CSMD1: variants seen among roughly 807,000 people sequenced by gnomAD.
CSMD1 encodes CUB and sushi domain-containing protein 1.
In CSMD1, 213 loss-of-function variants were observed where a neutral mutation model predicts 417.5. The ratio of observed to expected loss-of-function variants is 0.51; its 90% CI spans 0.46 to 0.57. The LOEUF is 0.57. Ranked by LOEUF, CSMD1 falls within the 20% of genes least tolerant of loss-of-function variation. The pLI is 0.00. For synonymous variants in CSMD1, 2,862 were observed against 1,736.8 expected (o/e 1.65, Z -16.11); for missense variants, 6,923 against 4,529.7 (o/e 1.53, Z -15.17).
At chr8:3,789,666 G>C (rs12681924) in intron 5 of CSMD1, among the ~76,000 whole-genome samples, 50,216 of 149,996 alleles carry the variant, frequency 0.33, 9,229 homozygotes, top group Admixed American at 0.42. Flanking sequence ...ATTGCTTAAT[G>C]AGACATGTAT....
chr8:3,274,652 T>C lies in CSMD1; in HGVS notation c.4153+9492A>G, dbSNP rs550188478. On this transcript the variant is annotated intron_variant, in intron 26 of 69. Coordinates refer to ENST00000635120, the MANE Select transcript of CSMD1 (RefSeq NM_033225.6). ...ATATATTTAGGATAGTTAGCCCTTC[T>C]TGTTGAATTGATCCCTTTACCATTA... Among the ~76,000 whole-genome samples, 101 of 152,320 alleles carry C rather than the reference T, an allele frequency of 6.6e-4. 1 individual carries two copies. The highest frequency in any genetic ancestry group is 4.8e-3 in the South Asian group (23 of 4,826).
intron 2 of CSMD1, among the ~76,000 whole-genome samples, chr8:4,495,094 A>G (rs936029423): frequency 1.3e-5 from 2 of 152,176 alleles, no homozygotes; most frequent in Non-Finnish European, 2.9e-5. Context: ...TTCACTATTC[A>G]CCCTGCTTCT....
Position 4,398,617 on chromosome 8 carries a change from G to T in CSMD1, c.415+21336C>A, listed in dbSNP as rs138386015. Among the ~76,000 whole-genome samples, 503 of 151,960 alleles carry T rather than the reference G, an allele frequency of 3.3e-3. 17 individuals are homozygous for T. In the East Asian group the frequency reaches 0.076, roughly 23 times the overall value. On this transcript the variant is annotated intron_variant, in intron 3 of 69. Coordinates refer to ENST00000635120, the MANE Select transcript of CSMD1 (RefSeq NM_033225.6). The stretch of plus-strand genomic sequence containing the variant: ...TCACCGTGTTAGCCAGGATTGTCTC[G>T]ATCTCCTGACCTCCTGATCTGCCCC...
At chr8:3,716,936 A>T (rs992752847) in intron 6 of CSMD1, among the ~76,000 whole-genome samples, 9 of 152,206 alleles carry the variant, frequency 5.9e-5, no homozygotes, top group African/African-American at 2.2e-4. Flanking sequence ...AATTCCACCA[A>T]AATGTTATAA....
At chr8:4,456,440 G>C (rs773135576) in intron 2 of CSMD1, among the ~76,000 whole-genome samples, 1 of 152,100 alleles carries the variant, frequency 6.6e-6, no homozygotes, top group Non-Finnish European at 1.5e-5. Flanking sequence ...TTTAATTGCT[G>C]TTAAGAGTAT....
intron 49 of CSMD1, among the ~76,000 whole-genome samples, chr8:3,075,720 T>C (rs1406411765): frequency 2.6e-5 from 4 of 152,046 alleles, no homozygotes; most frequent in Non-Finnish European, 4.4e-5. Context: ...ACTATGTAAA[T>C]GTATTTTTAT....
At chr8:3,816,472 C>A (rs1419869251) in intron 5 of CSMD1, among the ~76,000 whole-genome samples, 1 of 152,080 alleles carries the variant, frequency 6.6e-6, no homozygotes, top group Non-Finnish European at 1.5e-5. Flanking sequence ...TGTTATGAAT[C>A]TCTCGCTGTG....
intron 1 of CSMD1, among the ~76,000 whole-genome samples, chr8:4,666,293 A>T (rs542050124): frequency 1.3e-5 from 2 of 152,200 alleles, no homozygotes; most frequent in Non-Finnish European, 2.9e-5. Context: ...TTAGAATAGA[A>T]AGATGATTTT....
chr8:4,127,838 T>C (rs1337829110), intron 3 of CSMD1, among the ~76,000 whole-genome samples: 1 of 152,206 alleles, frequency 6.6e-6, no homozygotes, highest in Non-Finnish European at 1.5e-5. Context: ...TTATTATTAT[T>C]GTTACTGTTT....
rs777993216 is a variant in CSMD1, at chr8:3,308,455, T to A, written c.3680A>T (p.Tyr1227Phe). Residue 1227 changes from tyrosine to phenylalanine, a missense_variant, in exon 24 of 70, where the codon TAT becomes TTT. Physicochemically the swap from Tyr to Phe is conservative, Grantham distance 22. Transcript: ENST00000635120. ...CEDPGIPNYG[Y>F]RIRDEGHFTD... ...AAAGTGGCCTTCATCACGGATCCTATAGCCGTAGTTAGGGATGCCCGGATC... is the reference window on the plus strand; with the variant it reads ...AAAGTGGCCTTCATCACGGATCCTAAAGCCGTAGTTAGGGATGCCCGGATC... 1 of 1,613,598 alleles carries A rather than the reference T, an allele frequency of 6.2e-7. No individual in the cohort carries two copies. Among genetic ancestry groups the A allele is most frequent in the South Asian group, 1.1e-5 (1 of 91,042 alleles).
intron 2 of CSMD1, among the ~76,000 whole-genome samples, chr8:4,513,596 T>C (rs770694963): frequency 1.5e-4 from 23 of 152,186 alleles, no homozygotes; most frequent in Admixed American, 1.1e-3. Flanking sequence ...TTGTGTTAAA[T>C]GGAGCATGTA....
At chr8:3,075,465 G>A (rs1230185830) in intron 49 of CSMD1, among the ~76,000 whole-genome samples, 1 of 151,258 alleles carries the variant, frequency 6.6e-6, no homozygotes, top group Non-Finnish European at 1.5e-5. Context: ...ATTTTTAGTA[G>A]AGACAGGGTT....
intron 1 of CSMD1, among the ~76,000 whole-genome samples, chr8:4,700,344 A>G (rs1438285106): frequency 6.6e-6 from 1 of 151,944 alleles, no homozygotes; most frequent in Non-Finnish European, 1.5e-5. Flanking sequence ...ATTATTTATA[A>G]TACATATTAT....
intron 7 of CSMD1, among the ~76,000 whole-genome samples, chr8:3,642,658 G>C (rs772536276): frequency 1.3e-5 from 2 of 152,132 alleles, no homozygotes; most frequent in African/African-American, 2.4e-5. Flanking sequence ...TCGATGGAGA[G>C]ATTTCACAAC....
chr8:4,277,413 A>G (rs1372394245), intron 3 of CSMD1, among the ~76,000 whole-genome samples: 2 of 152,072 alleles, frequency 1.3e-5, no homozygotes, highest in Non-Finnish European at 2.9e-5. Context: ...CCATTTCCCC[A>G]TCAACTAATA....
intron 9 of CSMD1, 121 bp from the exon 10 acceptor site, chr8:3,575,187 A>G (rs867124868): frequency 8.7e-6 from 6 of 692,198 alleles, no homozygotes; most frequent in African/African-American, 1.9e-5. Flanking sequence ...AAAAAAAAAA[A>G]TGGTGCATGG....
chr8:4,594,494 C>G (rs1367081745), intron 2 of CSMD1, among the ~76,000 whole-genome samples: 2 of 152,022 alleles, frequency 1.3e-5, no homozygotes, highest in African/African-American at 4.8e-5. Flanking sequence ...GCCACCACAC[C>G]CACCCTGAAA....
chr8:3,791,605 C>G (rs894564657), intron 5 of CSMD1, among the ~76,000 whole-genome samples: 1 of 152,164 alleles, frequency 6.6e-6, no homozygotes, highest in African/African-American at 2.4e-5. Context: ...GGGTTGATCA[C>G]ATGAAGTCAG....
intron 5 of CSMD1, among the ~76,000 whole-genome samples, chr8:3,892,746 T>A (rs1457788335): frequency 7.2e-6 from 1 of 139,188 alleles, no homozygotes; most frequent in African/African-American, 2.6e-5. Context: ...GCCACTTCTG[T>A]GCATTATGAA....
Sources: gnomAD v4.1 joint callset for allele counts (sites outside exome capture counted in the v4.1 genomes callset) on GRCh38, gnomAD v4.1.1 for gene constraint, MANE v1.5 for transcripts, NCBI Gene and HGNC (gene_info 2026-07-23, HGNC 2026-07-21) for gene names.